RGS6: variants seen among roughly 807,000 people sequenced by gnomAD.
RGS6 encodes the protein regulator of G-protein signaling 6.
RGS6 carries 30 observed loss-of-function variants against 78.5 expected under a neutral mutation model. That is an observed-to-expected ratio of 0.38 (90% CI 0.29 to 0.52). The LOEUF is 0.52. RGS6 is among the 20% of genes least tolerant of loss of function. The pLI is 0.85. For missense variants in RGS6, 495 were observed against 609.7 expected, an observed-to-expected ratio of 0.81 and a Z score of 1.98; for synonymous variants, 206 against 206.0, an observed-to-expected ratio of 1.00 and a Z score of 0.00.
chr14:72,108,706 T>A (rs1416454345), intron 2 of RGS6, among the ~76,000 whole-genome samples: 2 of 152,136 alleles, frequency 1.3e-5, no homozygotes, highest in Non-Finnish European at 2.9e-5. Flanking sequence ...TAGTTAAGCC[T>A]TTTTAAGAAC....
intron 3 of RGS6, among the ~76,000 whole-genome samples, chr14:72,356,772 T>C (rs2080384812): frequency 6.6e-6 from 1 of 152,222 alleles, no homozygotes; most frequent in Non-Finnish European, 1.5e-5. Context: ...GCACTTCTCC[T>C]TGCTGCTTCC....
chr14:72,018,539 C>CA (rs2087613709), intron 2 of RGS6, among the ~76,000 whole-genome samples: 1 of 152,206 alleles, frequency 6.6e-6, no homozygotes, highest in Non-Finnish European at 1.5e-5. Context: ...TTTGTACCGC[C>CA]AAAATGTTCC....
At chr14:72,362,487 C>T (rs2152797879) in intron 3 of RGS6, among the ~76,000 whole-genome samples, 1 of 152,198 alleles carries the variant, frequency 6.6e-6, no homozygotes, top group East Asian at 1.9e-4. Flanking sequence ...CATCTGATGG[C>T]TCAACTGAGG....
chr14:72,301,878 T>C (rs1356828129), intron 2 of RGS6, among the ~76,000 whole-genome samples: 3 of 152,120 alleles, frequency 2.0e-5, no homozygotes, highest in East Asian at 3.9e-4. Flanking sequence ...CTTAATTAAT[T>C]ACATTTGCAG....
Position 72,045,670 on chromosome 14 carries a change from A to G in RGS6, c.84+80795A>G, listed in dbSNP as rs548809194. 2.6e-5 allele frequency among the ~76,000 whole-genome samples: 4 copies of G among 151,792 alleles called. No homozygotes were observed. In the South Asian group the frequency reaches 8.3e-4, roughly 32 times the overall value. On this transcript the variant is annotated intron_variant, in intron 2 of 17. Transcript: ENST00000553525. Reference sequence around the variant, plus strand: ...AGTGGGCTTGCATTCATGGCCTATGACCTTCACAAGTGTTTCTTAGCTTTT... The same window carrying G: ...AGTGGGCTTGCATTCATGGCCTATGGCCTTCACAAGTGTTTCTTAGCTTTT...
intron 10 of RGS6, among the ~76,000 whole-genome samples, chr14:72,476,533 A>G (rs556059993): frequency 2.6e-5 from 4 of 152,362 alleles, no homozygotes; most frequent in African/African-American, 9.6e-5. Flanking sequence ...CCAATAAAAG[A>G]TAGGATTTGG....
the RGS6 span, among the ~76,000 whole-genome samples, chr14:71,898,150 T>A: frequency 6.6e-6 from 1 of 152,076 alleles, no homozygotes; most frequent in Non-Finnish European, 1.5e-5. Flanking sequence ...TAAGATCTAC[T>A]CTCAGCAATT....
At chr14:71,944,011 G>A (rs1378355841) in intron 1 of RGS6, among the ~76,000 whole-genome samples, 2 of 152,204 alleles carry the variant, frequency 1.3e-5, no homozygotes, top group East Asian at 1.9e-4. Flanking sequence ...GATATAGTGA[G>A]ACTGTCATCC....
downstream of RGS6, among the ~76,000 whole-genome samples, chr14:72,569,419 C>A (rs1265046336): frequency 1.3e-5 from 2 of 152,130 alleles, no homozygotes; most frequent in Non-Finnish European, 2.9e-5. Context: ...GTGGCTCACA[C>A]CTGTAATCCC....
At chr14:71,890,665 C>A in the RGS6 span, among the ~76,000 whole-genome samples, 1 of 152,194 alleles carries the variant, frequency 6.6e-6, no homozygotes, top group Non-Finnish European at 1.5e-5. Context: ...TTTTCAAAAT[C>A]ATTTGGGATG....
chr14:72,562,239 GC>G (rs2097686014), intron 17 of RGS6, among the ~76,000 whole-genome samples, 177 bp from the exon 18 acceptor site: 2 of 152,216 alleles, frequency 1.3e-5, no homozygotes, highest in African/African-American at 4.8e-5. Flanking sequence ...GGTTTCTCCA[GC>G]TGTCCAAAGT....
rs142158435 is a variant in RGS6, at chr14:71,936,782, A to G, written c.-21+3841A>G. On this transcript the variant is annotated intron_variant, in intron 1 of 17. Coordinates refer to ENST00000553525, the MANE Select transcript of RGS6 (RefSeq NM_001204424.2). ...TCTTAGTATGAGTGTATATATACACAAACATGTTTTTAACAAAAGAAGGAG... is the reference window on the plus strand; with the variant it reads ...TCTTAGTATGAGTGTATATATACACGAACATGTTTTTAACAAAAGAAGGAG... Among the ~76,000 whole-genome samples, 1,020 of 152,370 alleles carry G rather than the reference A, an allele frequency of 6.7e-3. 6 individuals carry two copies. Among genetic ancestry groups the G allele is most frequent in the Non-Finnish European group, 0.011 (736 of 68,038 alleles).
At chr14:72,129,711 G>T (rs1037983973) in intron 2 of RGS6, among the ~76,000 whole-genome samples, 16 of 152,136 alleles carry the variant, frequency 1.1e-4, no homozygotes, top group Admixed American at 7.2e-4. Flanking sequence ...ACATAGTGTG[G>T]CTCAGGGCTT....
At chr14:72,316,201 G>A (rs541053592) in intron 2 of RGS6, among the ~76,000 whole-genome samples, 3 of 152,236 alleles carry the variant, frequency 2.0e-5, no homozygotes, top group South Asian at 4.2e-4. Context: ...AAGAAGTCAA[G>A]TTGCTTGACG....
intron 6 of RGS6, 107 bp downstream of exon 6, chr14:72,459,790 G>A (rs1245776465): frequency 3.6e-6 from 4 of 1,118,206 alleles, no homozygotes; most frequent in Non-Finnish European, 5.5e-6. Context: ...ATGGGGAGGA[G>A]GGTCCTTTCT....
chr14:72,034,127 G>A (rs907548606), intron 2 of RGS6, among the ~76,000 whole-genome samples: 1 of 152,128 alleles, frequency 6.6e-6, no homozygotes, highest in Admixed American at 6.6e-5. Context: ...GTTTTGCTGT[G>A]TGAAGAGAGA....
At chr14:72,365,897 A>T (rs952573262) in intron 3 of RGS6, among the ~76,000 whole-genome samples, 3 of 152,172 alleles carry the variant, frequency 2.0e-5, no homozygotes, top group Non-Finnish European at 4.4e-5. Context: ...AGTCTTGATT[A>T]TGCTAAGCTT....
intron 2 of RGS6, chr14:71,990,902 T>C: frequency 2.2e-6 from 1 of 454,664 alleles, no homozygotes; most frequent in Non-Finnish European, 4.4e-6. Context: ...GTGCTTGGTG[T>C]AGCATCCTCC....
chr14:72,525,329 C>T (rs1002588232), intron 15 of RGS6, among the ~76,000 whole-genome samples: 6 of 152,298 alleles, frequency 3.9e-5, no homozygotes, highest in East Asian at 1.9e-4. Flanking sequence ...ATGTTCTAGG[C>T]GCTGTGAATA....
Sources: gnomAD v4.1 joint callset for allele counts (sites outside exome capture counted in the v4.1 genomes callset) on GRCh38, gnomAD v4.1.1 for gene constraint, MANE v1.5 for transcripts, NCBI Gene and HGNC (gene_info 2026-07-23, HGNC 2026-07-21) for gene names.